NTM: variants seen among roughly 807,000 people sequenced by gnomAD.
NTM encodes the protein neurotrimin.
A neutral mutation model predicts 42.1 loss-of-function variants in NTM; 13 were observed. The observed-to-expected ratio is 0.31, with a 90% CI of 0.20 to 0.49. The LOEUF (loss-of-function observed/expected upper bound fraction) is 0.49, where lower values mean the gene tolerates loss of function less well. NTM is among the 20% of genes least tolerant of loss of function. NTM has a pLI of 0.99. For synonymous variants in NTM, 187 were observed against 179.2 expected (o/e 1.04, Z -0.35); for missense variants, 373 against 452.8 (o/e 0.82, Z 1.60).
At chr11:131,391,231 C>T (rs1390622475) in intron 1 of NTM, among the ~76,000 whole-genome samples, 1 of 152,168 alleles carries the variant, frequency 6.6e-6, no homozygotes. Flanking sequence ...CTCTATGTTT[C>T]CTGAGTCTGT....
intron 3 of NTM, among the ~76,000 whole-genome samples, chr11:132,147,214 TGA>T (rs113704092): frequency 0.072 from 8,745 of 122,206 alleles, 495 homozygotes; most frequent in African/African-American, 0.18. Context: ...TGTGTGTGTG[TGA>T]GAGAGAGAGA....
At chr11:131,875,836 C>T (rs533367581) in intron 1 of NTM, among the ~76,000 whole-genome samples, 166 of 152,226 alleles carry the variant, frequency 1.1e-3, no homozygotes, top group Non-Finnish European at 2.0e-3. Context: ...TGTTTATTCT[C>T]GATTACTCCC....
chr11:132,140,257 C>T (rs1171734660), intron 2 of NTM, among the ~76,000 whole-genome samples: 1 of 152,154 alleles, frequency 6.6e-6, no homozygotes, highest in African/African-American at 2.4e-5. Flanking sequence ...CTACAACTAC[C>T]TCCTAGCGGT....
intron 1 of NTM, among the ~76,000 whole-genome samples, chr11:131,721,595 G>C (rs866465802): frequency 6.6e-6 from 1 of 152,086 alleles, no homozygotes; most frequent in Non-Finnish European, 1.5e-5. Flanking sequence ...TACCAGACTT[G>C]TGTGAATTTG....
intron 1 of NTM, among the ~76,000 whole-genome samples, chr11:131,715,853 AG>A (rs1187481999): frequency 2.0e-5 from 3 of 152,210 alleles, no homozygotes; most frequent in Non-Finnish European, 4.4e-5. Context: ...ATTGCTGAAA[AG>A]TATTCCACAG....
intron 1 of NTM, among the ~76,000 whole-genome samples, chr11:131,518,932 C>T (rs2049235829): frequency 6.6e-6 from 1 of 152,234 alleles, no homozygotes; most frequent in African/African-American, 2.4e-5. Flanking sequence ...ATCTCAGATA[C>T]AGCATCCCAC....
At chr11:131,862,186 A>C (rs1032565730) in intron 1 of NTM, among the ~76,000 whole-genome samples, 9 of 152,164 alleles carry the variant, frequency 5.9e-5, no homozygotes, top group African/African-American at 2.2e-4. Flanking sequence ...CTGTCTGAGG[A>C]GAGAACAGCC....
intron 1 of NTM, among the ~76,000 whole-genome samples, chr11:131,893,088 A>T (rs1214044065): frequency 6.6e-6 from 1 of 152,230 alleles, no homozygotes; most frequent in South Asian, 2.1e-4. Context: ...CAGCATATTC[A>T]GCCCGAATGT....
chr11:131,913,897 C>T (rs983057345), intron 2 of NTM, among the ~76,000 whole-genome samples: 3 of 152,164 alleles, frequency 2.0e-5, no homozygotes, highest in Non-Finnish European at 4.4e-5. Flanking sequence ...AGGGTCTGAG[C>T]GACACCAGCC....
chr11:132,265,834 G>C (rs2093150538), intron 4 of NTM, among the ~76,000 whole-genome samples: 1 of 152,188 alleles, frequency 6.6e-6, no homozygotes, highest in East Asian at 1.9e-4. Context: ...TTATAGATGA[G>C]AAAACTGAAG....
At chr11:132,139,513 C>A (rs971995984) in intron 2 of NTM, among the ~76,000 whole-genome samples, 2 of 152,176 alleles carry the variant, frequency 1.3e-5, no homozygotes, top group African/African-American at 4.8e-5. Context: ...TGAGAGGATA[C>A]TACTGTATTT....
intron 1 of NTM, among the ~76,000 whole-genome samples, chr11:131,769,886 G>T (rs1281696366): frequency 1.3e-5 from 2 of 152,190 alleles, no homozygotes; most frequent in African/African-American, 2.4e-5. Flanking sequence ...CAGCTTTGCC[G>T]CTGGTAATGA....
intron 1 of NTM, among the ~76,000 whole-genome samples, chr11:131,636,014 G>A (rs1435517937): frequency 6.6e-6 from 1 of 152,196 alleles, no homozygotes; most frequent in African/African-American, 2.4e-5. Context: ...ATCGAGGTTC[G>A]TGTAAGTGCT....
intron 1 of NTM, among the ~76,000 whole-genome samples, chr11:131,443,405 G>A (rs980496007): frequency 1.3e-5 from 2 of 152,148 alleles, no homozygotes; most frequent in Non-Finnish European, 2.9e-5. Context: ...CGGTCATATT[G>A]CAGAAGAAAA....
At chr11:131,778,268 G>C (rs746290583) in intron 1 of NTM, among the ~76,000 whole-genome samples, 10 of 152,208 alleles carry the variant, frequency 6.6e-5, no homozygotes, top group Non-Finnish European at 1.2e-4. Context: ...ACTGAAGCTA[G>C]TGCCACAGGC....
At chr11:131,540,751 A>T (rs1401751199) in intron 1 of NTM, 5 of 152,222 alleles carry the variant, frequency 3.3e-5, no homozygotes, top group African/African-American at 9.6e-5. Context: ...AGCCCAGCTG[A>T]ATCTGCACAA....
intron 1 of NTM, among the ~76,000 whole-genome samples, chr11:131,636,885 T>C (rs1171516922): frequency 6.6e-6 from 1 of 152,202 alleles, no homozygotes; most frequent in African/African-American, 2.4e-5. Flanking sequence ...TCTCCGCTTG[T>C]TGTCAGCCTA....
chr11:132,159,238 G>A (rs1448168218), intron 3 of NTM, among the ~76,000 whole-genome samples: 1 of 152,188 alleles, frequency 6.6e-6, no homozygotes, highest in African/African-American at 2.4e-5. Context: ...TCCATGGCCA[G>A]AGGGCACATA....
At chr11:131,936,011 T>TTATATATATATATATA (rs559967974) in intron 2 of NTM, among the ~76,000 whole-genome samples, 62 of 151,946 alleles carry the variant, frequency 4.1e-4, no homozygotes, top group African/African-American at 1.5e-3. Context: ...CATGGAAATT[T>TTATATATATATATATA]TATATATATA....
Sources: allele counts gnomAD v4.1 joint callset (sites outside exome capture counted in the v4.1 genomes callset), GRCh38; gene constraint gnomAD v4.1.1; transcripts MANE v1.5; gene names NCBI Gene and HGNC (gene_info 2026-07-23, HGNC 2026-07-21).